RMDN2: variants seen among roughly 807,000 people sequenced by gnomAD.
RMDN2 encodes the protein regulator of microtubule dynamics 2.
In RMDN2, 61 loss-of-function variants were observed where a neutral mutation model predicts 52.8. The observed-to-expected ratio is 1.16, with a 90% CI of 0.94 to 1.43. The LOEUF is 1.43. RMDN2 is among the 40% of genes most tolerant of loss of function. The probability of loss-of-function intolerance (pLI) is 0.00; values close to 1 mark genes in which losing one functional copy is unlikely to be tolerated. For synonymous variants in RMDN2, 180 were observed against 153.1 expected, an observed-to-expected ratio of 1.18 and a Z score of -1.30; for missense variants, 592 against 475.3, an observed-to-expected ratio of 1.25 and a Z score of -2.28.
intron 10 of RMDN2, among the ~76,000 whole-genome samples, chr2:38,013,010 C>G (rs1456676313): frequency 2.0e-5 from 3 of 152,204 alleles, no homozygotes; most frequent in Non-Finnish European, 4.4e-5. Context: ...CGTTTGGTCT[C>G]TAGAGCCCAG....
Position 37,981,292 on chromosome 2 carries a change from T to G in RMDN2, c.740T>G (p.Leu247Ter). ...KKHYANIGKT[L>*]SERAINRAPM... Reference sequence around the variant, plus strand: ...TACTTTTATCTTTCAGGAAAAACTTTAAGTGAAAGAGCTATTAATAGAGCA... The same window carrying G: ...TACTTTTATCTTTCAGGAAAAACTTGAAGTGAAAGAGCTATTAATAGAGCA... The change falls in exon 5 of 11, where the codon TTA becomes TGA. Residue 247 changes from leucine to a stop codon, truncating the protein, a stop_gained. Coordinates refer to ENST00000354545, the MANE Select transcript of RMDN2 (RefSeq NM_001170791.3). LOFTEE classifies it high-confidence loss of function. The G allele has an allele frequency of 6.3e-7, 1 of 1,598,098 alleles. No individual in the cohort carries two copies. The highest frequency in any genetic ancestry group is 8.6e-7 in the Non-Finnish European group (1 of 1,165,482).
chr2:37,952,381 A>G, intron 2 of RMDN2: 1 of 591,484 alleles, frequency 1.7e-6, no homozygotes, highest in Non-Finnish European at 2.9e-6. Context: ...TTTGAAAGTT[A>G]GTTTACTGAT....
rs925705092 is a variant in RMDN2, at chr2:37,989,735, A to G, written c.867+119A>G. On this transcript the variant is annotated intron_variant, in intron 6 of 10. Coordinates refer to ENST00000354545, the MANE Select transcript of RMDN2 (RefSeq NM_001170791.3). ...TCCATCAATGGGTATAAACCAGATT[A>G]TTCAACAGATTAAGCTCTGGGAATT... is the stretch of plus-strand genomic sequence containing the variant. The G allele has an allele frequency of 6.7e-6, 4 of 598,908 alleles. No individual in the cohort carries two copies. The African/African-American group carries it at 7.5e-5, about 11-fold the overall frequency. The allele number at this position is 598,908 out of a possible 1,614,324, so 37.1% of individuals were successfully genotyped here. A position where few individuals can be genotyped will look rare whatever the true frequency, so the allele number is the denominator to read the frequency against.
At chr2:37,926,681 G>T (rs1354464708) in intron 1 of RMDN2, among the ~76,000 whole-genome samples, 1 of 152,236 alleles carries the variant, frequency 6.6e-6, no homozygotes, top group Non-Finnish European at 1.5e-5. Flanking sequence ...GGCCCATGCT[G>T]CTTATCCCAG....
At chr2:38,042,551 A>G (rs1384787366) in intron 10 of RMDN2, among the ~76,000 whole-genome samples, 2 of 150,708 alleles carry the variant, frequency 1.3e-5, no homozygotes, top group Non-Finnish European at 3.0e-5. Flanking sequence ...CTTCCGGCTT[A>G]TATTGTTTTT....
At chr2:38,054,535 G>T (rs1681771888) in intron 10 of RMDN2, among the ~76,000 whole-genome samples, 1 of 152,184 alleles carries the variant, frequency 6.6e-6, no homozygotes, top group African/African-American at 2.4e-5. Flanking sequence ...CCAAAATGGA[G>T]ATGCATGGTT....
intron 4 of RMDN2, among the ~76,000 whole-genome samples, chr2:37,977,428 G>C (rs1046080556): frequency 2.0e-5 from 3 of 151,464 alleles, no homozygotes; most frequent in African/African-American, 7.3e-5. Flanking sequence ...GGGCAGAGGC[G>C]CCCCCACCTC....
At chr2:38,052,740 G>GT (rs1054928263) in intron 10 of RMDN2, among the ~76,000 whole-genome samples, 4 of 151,824 alleles carry the variant, frequency 2.6e-5, no homozygotes, top group East Asian at 1.9e-4. Context: ...AGCAATTGGT[G>GT]TTTTTTTTCT....
chr2:37,960,601 C>A (rs949709793), intron 2 of RMDN2, among the ~76,000 whole-genome samples: 1 of 152,068 alleles, frequency 6.6e-6, no homozygotes, highest in Non-Finnish European at 1.5e-5. Flanking sequence ...ATCCAATTTG[C>A]CAGTCTGTGT....
chr2:38,018,036 A>G (rs1329139669), downstream of RMDN2, among the ~76,000 whole-genome samples: 11 of 152,184 alleles, frequency 7.2e-5, no homozygotes, highest in Non-Finnish European at 1.5e-4. Context: ...TAAGGCAGGG[A>G]CCGGCTATTT....
intron 7 of RMDN2, among the ~76,000 whole-genome samples, chr2:37,995,074 A>G (rs559237930): frequency 6.6e-6 from 1 of 152,294 alleles, no homozygotes; most frequent in Non-Finnish European, 1.5e-5. Context: ...TGGCAGTTAC[A>G]GGATTGTATG....
At chr2:38,026,422 T>A (rs1374520889) in intron 10 of RMDN2, among the ~76,000 whole-genome samples, 7 of 152,142 alleles carry the variant, frequency 4.6e-5, no homozygotes, top group Non-Finnish European at 8.8e-5. Context: ...GTTGCTGAGC[T>A]TCTGAAATTA....
At chr2:38,045,289 G>C (rs17021892) in intron 10 of RMDN2, among the ~76,000 whole-genome samples, 10,472 of 152,226 alleles carry the variant, frequency 0.069, 397 homozygotes, top group Middle Eastern at 0.11. Flanking sequence ...CTTTTCAACA[G>C]TCGAACCAGT....
chr2:38,060,862 G>C (rs1286146214), intron 10 of RMDN2, among the ~76,000 whole-genome samples: 2 of 152,150 alleles, frequency 1.3e-5, no homozygotes, highest in Non-Finnish European at 2.9e-5. Context: ...CCCCCAAACA[G>C]AACACGAGGC....
At chr2:37,989,307 T>C (rs1238020135) in intron 5 of RMDN2, among the ~76,000 whole-genome samples, 2 of 152,160 alleles carry the variant, frequency 1.3e-5, no homozygotes, top group East Asian at 1.9e-4. Context: ...TTTTGGCTTA[T>C]TTTACCCTCA....
rs544362159 is a variant in RMDN2 at position 38,006,690 on chromosome 2, C to G, written c.1179+2474C>G. On this transcript the variant is annotated intron_variant, in intron 10 of 10. Transcript: ENST00000354545. ...CTTCCTCTTTTCCTAATTGAATACC[C>G]TTTATTTCCTTCTCCTGCCTGATTG... 3.9e-5 allele frequency among the ~76,000 whole-genome samples: 6 copies of G among 152,242 alleles called. No homozygotes were observed. In the East Asian group the frequency reaches 1.2e-3, roughly 29 times the overall value.
chr2:37,941,738 C>T (rs973748245), intron 2 of RMDN2, among the ~76,000 whole-genome samples: 11 of 152,128 alleles, frequency 7.2e-5, no homozygotes, highest in Non-Finnish European at 1.5e-4. Context: ...GGTGGATGCC[C>T]CTTCCCCACC....
In RMDN2 at chr2:38,038,235, C is replaced by T. The variant is rs558922810; in HGVS notation, c.1714-28747C>T. 2.2e-4 allele frequency among the ~76,000 whole-genome samples: 34 copies of T among 152,290 alleles called. No homozygotes were observed. The South Asian group carries it at 5.8e-3, about 26-fold the overall frequency. ...CTTAGACTTAGACGCAGCGTCCTCTCCTGGAGGGAGCGCAGCGCCCCCCGG... is the reference window on the plus strand; with the variant it reads ...CTTAGACTTAGACGCAGCGTCCTCTTCTGGAGGGAGCGCAGCGCCCCCCGG... On this transcript the variant is annotated intron_variant, in intron 10 of 10. Transcript: ENST00000234195.
chr2:38,003,057 GTACCTTTATAA>G (rs1676526815), intron 8 of RMDN2: 2 of 152,200 alleles, frequency 1.3e-5, no homozygotes, highest in African/African-American at 4.8e-5. Context: ...TAGGAGAAAA[GTACCTTTATAA>G]TACCTACTCA....
Sources: allele counts gnomAD v4.1 joint callset (sites outside exome capture counted in the v4.1 genomes callset), GRCh38; gene constraint gnomAD v4.1.1; transcripts MANE v1.5; gene names NCBI Gene and HGNC (gene_info 2026-07-23, HGNC 2026-07-21).